The following RPTOR variants were observed in gnomAD, a reference collection of about 807,000 sequenced individuals.
RPTOR encodes regulatory associated protein of MTOR complex 1, also known as regulatory-associated protein of mTOR.
Under a neutral mutation model 169.9 loss-of-function variants are expected in RPTOR, and 21 were observed. The observed-to-expected ratio is 0.12, with a 90% CI of 0.09 to 0.18. The LOEUF is 0.18. Ranked by LOEUF, RPTOR falls within the 10% of genes least tolerant of loss-of-function variation. RPTOR has a pLI of 1.00. For missense variants in RPTOR, 1,133 were observed against 1,855.9 expected, an observed-to-expected ratio of 0.61 and a Z score of 7.16; for synonymous variants, 732 against 753.2, an observed-to-expected ratio of 0.97 and a Z score of 0.46.
At chr17:80,694,308 G>T (rs1009265203) in intron 3 of RPTOR, among the ~76,000 whole-genome samples, 30 of 152,174 alleles carry the variant, frequency 2.0e-4, no homozygotes, top group Non-Finnish European at 8.8e-5. Context: ...CCCGGGCATG[G>T]CCCTCGCAGA....
chr17:80,927,845 C>G (rs1366758435), intron 24 of RPTOR, among the ~76,000 whole-genome samples: 1 of 151,916 alleles, frequency 6.6e-6, no homozygotes, highest in Admixed American at 6.6e-5. Context: ...CTCATCTCCT[C>G]CATTTGCACA....
At chr17:80,745,355 A>C (rs1429344036) in intron 5 of RPTOR, among the ~76,000 whole-genome samples, 1 of 152,222 alleles carries the variant, frequency 6.6e-6, no homozygotes, top group Non-Finnish European at 1.5e-5. Flanking sequence ...TTGGAAGGGC[A>C]GGCTGGAGGC....
At chr17:80,900,503 A>G (rs534939268) in intron 20 of RPTOR, among the ~76,000 whole-genome samples, 9 of 152,236 alleles carry the variant, frequency 5.9e-5, no homozygotes, top group Non-Finnish European at 1.2e-4. Flanking sequence ...TTTAGTAGAG[A>G]CAAAGTTTCT....
At chr17:80,631,368 A>G (rs558706760) in intron 2 of RPTOR, among the ~76,000 whole-genome samples, 1 of 151,982 alleles carries the variant, frequency 6.6e-6, no homozygotes, top group African/African-American at 2.4e-5. Context: ...CATGCAGGAG[A>G]GTGTGAGTGC....
chr17:80,685,522 C>T (rs2065933218), intron 3 of RPTOR, among the ~76,000 whole-genome samples: 2 of 146,484 alleles, frequency 1.4e-5, no homozygotes, highest in East Asian at 4.0e-4. Flanking sequence ...GATCCTCCAT[C>T]CTTGGCCTCC....
At chr17:80,745,925 G>T (rs2066568556) in intron 5 of RPTOR, among the ~76,000 whole-genome samples, 1 of 152,220 alleles carries the variant, frequency 6.6e-6, no homozygotes, top group South Asian at 2.1e-4. Context: ...ACTTTGGGAG[G>T]CCAAGGCGGG....
intron 2 of RPTOR, 104 bp downstream of exon 2, chr17:80,625,897 C>A: frequency 1.3e-6 from 1 of 745,912 alleles, no homozygotes; most frequent in Non-Finnish European, 2.4e-6. Context: ...CCGTCTCCAG[C>A]TGTGCAAATC....
At chr17:80,586,365 G>A (rs961156136) in intron 1 of RPTOR, among the ~76,000 whole-genome samples, 4 of 152,178 alleles carry the variant, frequency 2.6e-5, no homozygotes, top group Admixed American at 6.5e-5. Context: ...TAGTAACCAC[G>A]TCGTGATCAC....
chr17:80,880,569 CT>C, intron 14 of RPTOR, 80 bp downstream of exon 14: 5 of 1,344,022 alleles, frequency 3.7e-6, no homozygotes, highest in Non-Finnish European at 4.2e-6. Context: ...GCGGTGGGGC[CT>C]TTTGACGGGG....
chr17:80,557,593 A>G (rs1040682072), intron 1 of RPTOR, among the ~76,000 whole-genome samples: 4 of 152,174 alleles, frequency 2.6e-5, no homozygotes, highest in Non-Finnish European at 5.9e-5. Context: ...TACTTGTTTC[A>G]GGAGAGCTGA....
intron 3 of RPTOR, among the ~76,000 whole-genome samples, chr17:80,663,545 T>G (rs1311966220): frequency 6.6e-6 from 1 of 152,178 alleles, no homozygotes; most frequent in African/African-American, 2.4e-5. Context: ...GATATTGACA[T>G]TATTTCCCCT....
intron 7 of RPTOR, chr17:80,802,921 A>G (rs1216464121): frequency 1.3e-5 from 2 of 152,306 alleles, no homozygotes; most frequent in Non-Finnish European, 2.9e-5. Flanking sequence ...CTCTAGACGC[A>G]TCGTAGTTCA....
At position 80,731,064 on chromosome 17, in the gene RPTOR, A is replaced by G. The variant is rs1487865633; in HGVS notation, c.654+358A>G. Among the ~76,000 whole-genome samples, 15 of 151,958 alleles carry G rather than the reference A, an allele frequency of 9.9e-5. No homozygotes were observed. In the East Asian group the frequency reaches 2.9e-3, roughly 29 times the overall value. On this transcript the variant is annotated intron_variant, in intron 5 of 33. Coordinates refer to ENST00000306801, the MANE Select transcript of RPTOR (RefSeq NM_020761.3). Reference sequence around the variant, plus strand: ...TAGCTAATTTTTGTAGTTTTTGTAGAGGTGGTGTTTCGCCATGTTTCTCAG... The same window carrying G: ...TAGCTAATTTTTGTAGTTTTTGTAGGGGTGGTGTTTCGCCATGTTTCTCAG...
At chr17:80,592,751 C>G (rs947200652) in intron 1 of RPTOR, among the ~76,000 whole-genome samples, 1 of 152,132 alleles carries the variant, frequency 6.6e-6, no homozygotes, top group Non-Finnish European at 1.5e-5. Flanking sequence ...TCTTCACATT[C>G]CTACAAATTT....
In RPTOR at chr17:80,651,330, T is replaced by C. The variant is rs908394983; in HGVS notation, c.348+7520T>C. Among the ~76,000 whole-genome samples, 2 of 152,050 alleles carry C rather than the reference T, an allele frequency of 1.3e-5. No homozygotes were observed. Among genetic ancestry groups the C allele is most frequent in the African/African-American group, 4.8e-5 (2 of 41,388 alleles). On this transcript the variant is annotated intron_variant, in intron 3 of 33. Coordinates refer to ENST00000306801, the MANE Select transcript of RPTOR (RefSeq NM_020761.3). The surrounding 1 kb of genome is among the most constrained non-coding windows in gnomAD (Gnocchi z 4.1). ...GTTGTAAAATCCTGCTCCAGCCAAA[T>C]TGGAAAGTGCTGATCAAGGGGGAAA...
chr17:80,680,972 A>C (rs187637222), intron 3 of RPTOR, among the ~76,000 whole-genome samples: 20 of 152,244 alleles, frequency 1.3e-4, no homozygotes, highest in Admixed American at 1.1e-3. Context: ...AACAGCAAAC[A>C]CACAGGCGGA....
At chr17:80,674,810 A>AC (rs1567851401) in intron 3 of RPTOR, among the ~76,000 whole-genome samples, 3 of 129,444 alleles carry the variant, frequency 2.3e-5, no homozygotes, top group Admixed American at 7.5e-5. Context: ...AAAAAAAAAA[A>AC]AAAAAAAAAA....
intron 9 of RPTOR, among the ~76,000 whole-genome samples, chr17:80,825,097 G>T (rs2067424998): frequency 6.6e-6 from 1 of 150,516 alleles, no homozygotes; most frequent in African/African-American, 2.5e-5. Flanking sequence ...CACGTGGCGA[G>T]GTCAGCGTGG....
chr17:80,637,894 G>A (rs1474565684), intron 2 of RPTOR, among the ~76,000 whole-genome samples: 2 of 152,242 alleles, frequency 1.3e-5, no homozygotes, highest in Non-Finnish European at 2.9e-5. Flanking sequence ...GCGGCTCGTG[G>A]GTTTACAGAG....
Sources: gnomAD v4.1 joint callset for allele counts (sites outside exome capture counted in the v4.1 genomes callset) on GRCh38, gnomAD v4.1.1 for gene constraint, Gnocchi (gnomAD v3.1) non-coding constraint, MANE v1.5 for transcripts, NCBI Gene and HGNC (gene_info 2026-07-23, HGNC 2026-07-21) for gene names.